The following TLK2 variants were observed in gnomAD, a reference collection of about 807,000 sequenced individuals.
TLK2 encodes serine/threonine-protein kinase tousled-like 2.
TLK2 carries 6 observed loss-of-function variants against 117.3 expected under a neutral mutation model. The ratio of observed to expected loss-of-function variants is 0.05; its 90% CI spans 0.03 to 0.10. The LOEUF is 0.10. Among genes scored for constraint, TLK2 ranks in the 10% least tolerant of loss-of-function variants. TLK2 has a pLI of 1.00. For missense variants in TLK2, 299 were observed against 901.2 expected, an observed-to-expected ratio of 0.33 and a Z score of 8.56; for synonymous variants, 257 against 316.7, an observed-to-expected ratio of 0.81 and a Z score of 2.00.
At chr17:62,560,961 A>G (rs2079221535) in intron 10 of TLK2, among the ~76,000 whole-genome samples, 1 of 152,082 alleles carries the variant, frequency 6.6e-6, no homozygotes, top group Non-Finnish European at 1.5e-5. Context: ...GTATCTCCTA[A>G]TGCTGTGCCT....
chr17:62,503,893 A>G (rs957754678), intron 2 of TLK2, among the ~76,000 whole-genome samples: 3 of 150,054 alleles, frequency 2.0e-5, no homozygotes, highest in South Asian at 2.1e-4. Flanking sequence ...CACCCCAGCT[A>G]ATTTTTTTTT....
chr17:62,589,869 C>T (rs949209041), intron 16 of TLK2, among the ~76,000 whole-genome samples: 9 of 151,382 alleles, frequency 5.9e-5, no homozygotes, highest in African/African-American at 1.9e-4. Context: ...TGCAGTGGCG[C>T]GATCTCCACT....
rs185398931 is a variant in TLK2 at position 62,503,573 on chromosome 17, C to G, written c.82-17200C>G. Among the ~76,000 whole-genome samples, 12 of 152,002 alleles carry G rather than the reference C, an allele frequency of 7.9e-5. No homozygotes were observed. The East Asian group carries it at 1.9e-3, about 25-fold the overall frequency. ...GCTGGGATTATGGACGTTGTGCCAC[C>G]ATGTCTGGCTAATTTTTGTGTTTTT... On this transcript the variant is annotated intron_variant, in intron 2 of 21. Transcript: ENST00000346027.
At chr17:62,584,519 A>G (rs1567971090) in intron 15 of TLK2, among the ~76,000 whole-genome samples, 3 of 152,188 alleles carry the variant, frequency 2.0e-5, no homozygotes, top group Non-Finnish European at 1.5e-5. Context: ...AAGAAGTTCA[A>G]AAGTTTCCAT....
At chr17:62,516,764 A>G (rs2075630262) in intron 2 of TLK2, 1 of 1,545,208 alleles carries the variant, frequency 6.5e-7, no homozygotes, top group African/African-American at 1.4e-5. Flanking sequence ...TTAGGCATCA[A>G]CATCTCTGCA....
At position 62,536,353 on chromosome 17, in the gene TLK2, A is replaced by C; in HGVS notation, c.531+16A>C. 6.2e-7 allele frequency: 1 copy of C among 1,602,686 alleles called. No individual in the cohort carries two copies. The highest frequency in any genetic ancestry group is 2.2e-5 in the East Asian group (1 of 44,556). On this transcript the variant is annotated intron_variant, in intron 7 of 21. Transcript: ENST00000346027. ...TTTTGTTTCAGTGAGTACAAAGCCT[A>C]AGTTAATTCATATCCTTTCCATTGC...
intron 7 of TLK2, among the ~76,000 whole-genome samples, chr17:62,549,496 A>G (rs1340819600): frequency 2.0e-5 from 3 of 150,586 alleles, no homozygotes; most frequent in African/African-American, 7.3e-5. Flanking sequence ...ACTGAAGGAA[A>G]TCTTCAGTTA....
At chr17:62,503,871 G>A (rs1180402947) in intron 2 of TLK2, among the ~76,000 whole-genome samples, 1 of 151,812 alleles carries the variant, frequency 6.6e-6, no homozygotes, top group East Asian at 1.9e-4. Context: ...TGGGATTACA[G>A]GCATGTGCCA....
chr17:62,576,966 CTTTT>C (rs59523807), intron 13 of TLK2, among the ~76,000 whole-genome samples, 191 bp downstream of exon 13: 1 of 115,948 alleles, frequency 8.6e-6, no homozygotes, highest in African/African-American at 3.0e-5. Flanking sequence ...CTTTCTTCTT[CTTTT>C]TTTTTTTTTT....
At chr17:62,569,430 C>T (rs960888460) in intron 11 of TLK2, among the ~76,000 whole-genome samples, 3 of 137,868 alleles carry the variant, frequency 2.2e-5, no homozygotes, top group East Asian at 2.2e-4. Context: ...ACTGGAAATA[C>T]GTGCTTTTTT....
At chr17:62,611,263 A>G (rs924383566) in intron 21 of TLK2, among the ~76,000 whole-genome samples, 6 of 152,226 alleles carry the variant, frequency 3.9e-5, no homozygotes, top group Non-Finnish European at 8.8e-5. Context: ...GTTCATTTCT[A>G]TGAATTGTTT....
intron 13 of TLK2, among the ~76,000 whole-genome samples, chr17:62,578,123 A>G (rs1233845369): frequency 2.6e-5 from 4 of 152,220 alleles, no homozygotes; most frequent in African/African-American, 7.2e-5. Flanking sequence ...CCAGATAGAT[A>G]ACCTGATTTT....
intron 7 of TLK2, among the ~76,000 whole-genome samples, chr17:62,538,609 AC>A (rs1352287131): frequency 2.0e-5 from 3 of 152,194 alleles, no homozygotes; most frequent in Non-Finnish European, 2.9e-5. Context: ...GTGAAGGACC[AC>A]CTACTTAGTC....
At chr17:62,497,453 G>C (rs1345872974) in intron 2 of TLK2, among the ~76,000 whole-genome samples, 2 of 152,216 alleles carry the variant, frequency 1.3e-5, no homozygotes, top group African/African-American at 2.4e-5. Context: ...TTGTGGAAGA[G>C]ACTGGACTAA....
chr17:62,475,758 C>G (rs894110238), upstream of TLK2, among the ~76,000 whole-genome samples: 10 of 151,790 alleles, frequency 6.6e-5, no homozygotes, highest in African/African-American at 2.4e-4. Context: ...CTCCTGGGTT[C>G]AAGCGATTCT....
At chr17:62,583,842 G>A (rs991857809) in intron 15 of TLK2, among the ~76,000 whole-genome samples, 1 of 152,166 alleles carries the variant, frequency 6.6e-6, no homozygotes, top group Non-Finnish European at 1.5e-5. Context: ...CTCCCAAAGT[G>A]CTGGGATTAC....
At chr17:62,523,060 G>A in intron 4 of TLK2, 74 bp from the exon 5 acceptor site, 3 of 1,411,060 alleles carry the variant, frequency 2.1e-6, no homozygotes, top group South Asian at 2.9e-5. Flanking sequence ...GTTACTGAAT[G>A]TATAGTACAT....
At chr17:62,491,356 C>A (rs886185761) in intron 2 of TLK2, among the ~76,000 whole-genome samples, 1 of 152,006 alleles carries the variant, frequency 6.6e-6, no homozygotes, top group Non-Finnish European at 1.5e-5. Flanking sequence ...TTAAGAAAGG[C>A]CATGAGAGGG....
intron 20 of TLK2, among the ~76,000 whole-genome samples, chr17:62,607,599 T>TC (rs1196021516): frequency 2.0e-5 from 3 of 152,182 alleles, no homozygotes; most frequent in Admixed American, 1.3e-4. Context: ...TCTTTCTTTT[T>TC]CCCACTCTGT....
Sources: allele counts gnomAD v4.1 joint callset (sites outside exome capture counted in the v4.1 genomes callset), GRCh38; gene constraint gnomAD v4.1.1; transcripts MANE v1.5; gene names NCBI Gene and HGNC (gene_info 2026-07-23, HGNC 2026-07-21).